Variants in COL4A3 observed in about 807,000 individuals in gnomAD.
COL4A3 encodes the protein collagen type IV alpha 3 chain.
In COL4A3, 135 loss-of-function variants were observed where a neutral mutation model predicts 217.4. That is an observed-to-expected ratio of 0.62 (90% CI 0.54 to 0.72). The LOEUF is 0.72. Among genes scored for constraint, COL4A3 ranks in the 30% least tolerant of loss-of-function variants. The probability of loss-of-function intolerance (pLI) is 0.00; values close to 1 mark genes in which losing one functional copy is unlikely to be tolerated. For missense variants in COL4A3, 1,868 were observed against 2,119.9 expected (o/e 0.88, Z 2.33); for synonymous variants, 690 against 736.3 (o/e 0.94, Z 1.02).
At chr2:227,300,923 T>C (rs2073255836) in intron 43 of COL4A3, among the ~76,000 whole-genome samples, 1 of 152,016 alleles carries the variant, frequency 6.6e-6, no homozygotes. Context: ...AGGAGCTTTC[T>C]GAGCAAAATG....
At chr2:227,201,117 C>A (rs2066669057) in intron 1 of COL4A3, among the ~76,000 whole-genome samples, 1 of 151,844 alleles carries the variant, frequency 6.6e-6, no homozygotes, top group Non-Finnish European at 1.5e-5. Context: ...GTTATGTTAC[C>A]TTAATGACTC....
rs1232185469 is a variant in COL4A3, at chr2:227,268,169, C to T, written c.1504+1081C>T. Among the ~76,000 whole-genome samples the T allele has an allele frequency of 1.8e-4, 28 of 152,184 alleles. 1 individual carries two copies. The highest frequency in any genetic ancestry group is 1.8e-3 in the Admixed American group (28 of 15,274). Reference sequence around the variant, plus strand: ...CATTGAGAGGTGAAGTTACAGAGCCCTTGGCCTGTGTGTTGGGCGCTGTTC... The same window carrying T: ...CATTGAGAGGTGAAGTTACAGAGCCTTTGGCCTGTGTGTTGGGCGCTGTTC... On this transcript the variant is annotated intron_variant, in intron 23 of 51. Transcript: ENST00000396578.
intron 1 of COL4A3, among the ~76,000 whole-genome samples, chr2:227,171,776 A>T (rs911381099): frequency 2.0e-5 from 3 of 152,230 alleles, no homozygotes; most frequent in African/African-American, 7.2e-5. Context: ...GTTTTAGAGC[A>T]GGAGTGAAAT....
In COL4A3 at chr2:227,282,275, A is replaced by ATATATATATATATATATATAT. The variant is rs1559896717; in HGVS notation, c.2489-90_2489-89insTATATATATATATATATATAT. 2.1e-5 allele frequency: 7 copies of ATATATATATATATATATATAT among 334,838 alleles called. No individual in the cohort carries two copies. Among genetic ancestry groups the ATATATATATATATATATATAT allele is most frequent in the African/African-American group, 1.8e-4 (7 of 39,820 alleles). The allele number at this position is 334,838 out of a possible 1,614,324, so 20.7% of individuals were successfully genotyped here. ...AGACAGAGGGAGATTCCATCTTAAAAATATATATATATATATATATATATA... is the reference window on the plus strand; with the variant it reads ...AGACAGAGGGAGATTCCATCTTAAAATATATATATATATATATATATATATATATATATATATATATATATA... On this transcript the variant is annotated intron_variant, in intron 31 of 51. Transcript: ENST00000396578. This position sits in a 1 kb window ranked among gnomAD's most constrained non-coding sequence, Gnocchi z 4.4.
intron 37 of COL4A3, 69 bp from the exon 38 acceptor site, chr2:227,293,122 G>A (rs1157128443): frequency 2.5e-6 from 4 of 1,599,406 alleles, no homozygotes; most frequent in African/African-American, 2.7e-5. Flanking sequence ...AGTGAATAAA[G>A]TTTATGCTGA....
intron 18 of COL4A3, among the ~76,000 whole-genome samples, chr2:227,258,311 G>A (rs147221179): frequency 7.3e-4 from 111 of 152,332 alleles, no homozygotes; most frequent in African/African-American, 2.6e-3. Context: ...GGGTCATGAG[G>A]GGAAGGGGTG....
At chr2:227,251,062 A>T in intron 9 of COL4A3, 78 bp from the exon 10 acceptor site, 1 of 1,039,086 alleles carries the variant, frequency 9.6e-7, no homozygotes, top group Non-Finnish European at 1.5e-6. Flanking sequence ...AAAATATTTT[A>T]ATGCATTTAA....
chr2:227,178,521 A>G (rs1456657638), intron 1 of COL4A3, among the ~76,000 whole-genome samples: 1 of 151,692 alleles, frequency 6.6e-6, no homozygotes, highest in African/African-American at 2.4e-5. Context: ...TTAGATGATG[A>G]GGTAATGTCA....
intron 34 of COL4A3, among the ~76,000 whole-genome samples, chr2:227,285,277 T>TAAAAACAA (rs2072245401): frequency 2.5e-4 from 18 of 72,374 alleles, no homozygotes; most frequent in African/African-American, 1.0e-3. Flanking sequence ...CTGCCAAACC[T>TAAAAACAA]AAAAAAAAAA....
intron 20 of COL4A3, among the ~76,000 whole-genome samples, chr2:227,261,899 G>A (rs2070597040): frequency 6.6e-6 from 1 of 152,184 alleles, no homozygotes; most frequent in African/African-American, 2.4e-5. Flanking sequence ...AAAAAGAGTT[G>A]GATCAGGGAT....
chr2:227,218,656 A>G (rs1202095714), intron 1 of COL4A3, among the ~76,000 whole-genome samples: 1 of 152,214 alleles, frequency 6.6e-6, no homozygotes, highest in African/African-American at 2.4e-5. Flanking sequence ...TTGAACAATC[A>G]AACTCTACTT....
Position 227,289,211 on chromosome 2 carries a change from G to A in COL4A3, c.2943G>A (p.Lys981=), listed in dbSNP as rs770660795. 2 of 1,613,814 alleles carry A rather than the reference G, an allele frequency of 1.2e-6. No homozygotes were observed. Among genetic ancestry groups the A allele is most frequent in the East Asian group, 4.5e-5 (2 of 44,884 alleles). ...NRGVPGMPGL[K]GLKGLPGPAG... is the part of the protein sequence containing the mutation. The stretch of plus-strand genomic sequence containing the variant: ...GCGTTCCAGGGATGCCAGGTTTAAA[G>A]GGCCTCAAAGGACTACCCGGACCAG... Residue 981 remains lysine (K), a synonymous_variant, in exon 35 of 52, where the codon AAG becomes AAA. Coordinates refer to ENST00000396578, the MANE Select transcript of COL4A3 (RefSeq NM_000091.5).
At chr2:227,279,940 C>T (rs763624069) in intron 29 of COL4A3, 50 bp downstream of exon 29, 4 of 1,321,896 alleles carry the variant, frequency 3.0e-6, no homozygotes, top group African/African-American at 1.4e-5. Flanking sequence ...TGACCATTAA[C>T]TGGCCAGTTT....
intron 20 of COL4A3, among the ~76,000 whole-genome samples, chr2:227,262,308 AAAAC>A (rs954638250): frequency 2.2e-4 from 33 of 152,266 alleles, no homozygotes; most frequent in African/African-American, 3.9e-4. Flanking sequence ...TAAAAAAAAC[AAAAC>A]AAACAAACAA....
intron 1 of COL4A3, among the ~76,000 whole-genome samples, chr2:227,225,714 T>C (rs761550662): frequency 1.2e-4 from 18 of 145,898 alleles, no homozygotes; most frequent in Admixed American, 2.0e-4. Flanking sequence ...TCTTTCTTTT[T>C]TTTTTTTTTT....
At chr2:227,290,206 A>G in intron 36 of COL4A3, 118 bp downstream of exon 36, 2 of 995,900 alleles carry the variant, frequency 2.0e-6, no homozygotes, top group Admixed American at 2.0e-5. Flanking sequence ...TTAAAAAACT[A>G]GATTTGCGGG....
rs775373641 is a variant in COL4A3 at position 227,247,559 on chromosome 2, G to T, written c.443G>T (p.Gly148Val). 2.0e-5 allele frequency: 32 copies of T among 1,613,886 alleles called. No individual in the cohort carries two copies. The highest frequency in any genetic ancestry group is 2.4e-5 in the Non-Finnish European group (28 of 1,179,972). ...PGTLGYPGIP[G>V]AAGLKGQKGA... is the part of the protein sequence containing the mutation. The stretch of plus-strand genomic sequence containing the variant: ...GTTCATAGGTTGCTTTTTTCCTAGG[G>T]TGCTGCTGGTTTGAAAGGACAAAAG... Residue 148 changes from glycine (G) to valine (V), a missense_variant and splice_region_variant, in exon 8 of 52, where the codon GGT becomes GTT. Gly to Val is a moderately radical substitution (Grantham distance 109). Transcript: ENST00000396578.
chr2:227,280,671 C>A, intron 30 of COL4A3, 81 bp downstream of exon 30: 1 of 1,484,238 alleles, frequency 6.7e-7, no homozygotes, highest in Non-Finnish European at 9.4e-7. Flanking sequence ...GTGTTCTAGG[C>A]ATGAAGAATT....
At chr2:227,300,549 C>T (rs983573669) in intron 43 of COL4A3, among the ~76,000 whole-genome samples, 1 of 152,206 alleles carries the variant, frequency 6.6e-6, no homozygotes, top group Non-Finnish European at 1.5e-5. Context: ...AAGTTGACCC[C>T]TCTGTTTACA....
Sources: allele counts gnomAD v4.1 joint callset (sites outside exome capture counted in the v4.1 genomes callset), GRCh38; gene constraint gnomAD v4.1.1; non-coding constraint Gnocchi (gnomAD v3.1); transcripts MANE v1.5; gene names NCBI Gene and HGNC (gene_info 2026-07-23, HGNC 2026-07-21).